NFIA: variants seen among roughly 807,000 people sequenced by gnomAD.
The protein encoded by NFIA is nuclear factor I A, also known as nuclear factor 1 A-type.
NFIA carries 8 observed loss-of-function variants against 62.8 expected under a neutral mutation model. That is an observed-to-expected ratio of 0.13 (90% CI 0.07 to 0.23). NFIA has a LOEUF of 0.23. Ranked by LOEUF, NFIA falls within the 10% of genes least tolerant of loss-of-function variation. NFIA has a pLI of 1.00. For synonymous variants in NFIA, 235 were observed against 238.1 expected (o/e 0.99, Z 0.12); for missense variants, 410 against 642.1 (o/e 0.64, Z 3.91).
intron 2 of NFIA, among the ~76,000 whole-genome samples, chr1:61,138,736 C>T (rs1390923880): frequency 6.6e-6 from 1 of 151,962 alleles, no homozygotes; most frequent in Non-Finnish European, 1.5e-5. Context: ...TGTGCTACTG[C>T]ACTCAGACTA....
chr1:61,419,078 G>A (rs1161506900), intron 9 of NFIA, among the ~76,000 whole-genome samples: 1 of 152,184 alleles, frequency 6.6e-6, no homozygotes, highest in Non-Finnish European at 1.5e-5. Flanking sequence ...AAATTTAAAT[G>A]AACTGAAACA....
intron 4 of NFIA, among the ~76,000 whole-genome samples, chr1:61,339,076 G>A (rs765498165): frequency 6.6e-6 from 1 of 152,146 alleles, no homozygotes; most frequent in African/African-American, 2.4e-5. Flanking sequence ...CAATTCAATG[G>A]CAGTCTACTC....
upstream of NFIA, chr1:61,081,921 A>G (rs1448610203): frequency 6.5e-7 from 1 of 1,549,460 alleles, no homozygotes; most frequent in East Asian, 2.4e-5. Context: ...AGGAGGTCTG[A>G]TTTTTCAAAG....
At chr1:61,379,415 T>C (rs1213887363) in intron 6 of NFIA, among the ~76,000 whole-genome samples, 1 of 145,224 alleles carries the variant, frequency 6.9e-6, no homozygotes, top group Non-Finnish European at 1.5e-5. Context: ...TTTTTTTTTT[T>C]TTTTTTTTTT....
intron 3 of NFIA, among the ~76,000 whole-genome samples, chr1:61,289,381 A>T (rs7516822): frequency 0.054 from 8,159 of 152,160 alleles, 735 homozygotes; most frequent in African/African-American, 0.19. Context: ...ATATAATCCT[A>T]TGGAGGTAGG....
At chr1:61,258,726 TG>T (rs987012575) in intron 2 of NFIA, among the ~76,000 whole-genome samples, 7 of 150,996 alleles carry the variant, frequency 4.6e-5, no homozygotes, top group South Asian at 2.1e-4. Context: ...ATAGGAAATG[TG>T]GTTTTTTTTT....
chr1:61,407,220 A>G (rs1244611022), intron 9 of NFIA, among the ~76,000 whole-genome samples: 1 of 152,168 alleles, frequency 6.6e-6, no homozygotes, highest in Non-Finnish European at 1.5e-5. Flanking sequence ...ATTCGCTGAG[A>G]GTAAGAGCCT....
At chr1:61,098,271 A>C (rs1570145684) in intron 2 of NFIA, among the ~76,000 whole-genome samples, 1 of 152,236 alleles carries the variant, frequency 6.6e-6, no homozygotes, top group African/African-American at 2.4e-5. Flanking sequence ...TCAACATTAG[A>C]TAATTGAGAA....
chr1:61,416,099 C>T (rs756010422), intron 9 of NFIA, among the ~76,000 whole-genome samples: 1 of 151,974 alleles, frequency 6.6e-6, no homozygotes, highest in East Asian at 1.9e-4. Flanking sequence ...GATGCATGTA[C>T]GTATCAGACT....
chr1:61,341,776 C>A (rs771119182), intron 4 of NFIA, among the ~76,000 whole-genome samples: 2 of 152,252 alleles, frequency 1.3e-5, no homozygotes, highest in Non-Finnish European at 2.9e-5. Flanking sequence ...GTGTGCCCAG[C>A]TAATAATGTG....
chr1:61,155,516 A>T (rs1039611668), intron 2 of NFIA, among the ~76,000 whole-genome samples: 15 of 150,880 alleles, frequency 9.9e-5, no homozygotes, highest in Non-Finnish European at 3.0e-5. Flanking sequence ...TACTAAAAAT[A>T]CAAAAAATTA....
intron 10 of NFIA, 51 bp from the exon 11 acceptor site, chr1:61,455,252 C>T (rs1334793687): frequency 1.2e-6 from 2 of 1,604,074 alleles, no homozygotes; most frequent in South Asian, 2.2e-5. Flanking sequence ...TTCTAAAACA[C>T]ACGTTTTTAC....
chr1:61,240,064 G>C (rs925927574), intron 2 of NFIA, among the ~76,000 whole-genome samples: 10 of 152,192 alleles, frequency 6.6e-5, no homozygotes, highest in Admixed American at 4.6e-4. Flanking sequence ...GACTTCAGAT[G>C]GATCCATTTC....
At chr1:61,317,053 T>A (rs372570567) in intron 3 of NFIA, among the ~76,000 whole-genome samples, 1 of 152,110 alleles carries the variant, frequency 6.6e-6, no homozygotes, top group African/African-American at 2.4e-5. Flanking sequence ...TTCAAAAAAA[T>A]ACTGAAAAAT....
intron 3 of NFIA, among the ~76,000 whole-genome samples, chr1:61,283,950 C>T (rs1658322401): frequency 6.6e-6 from 1 of 152,138 alleles, no homozygotes; most frequent in Non-Finnish European, 1.5e-5. Context: ...GGAGGCAATG[C>T]AACCTTACAG....
At chr1:61,168,640 T>G (rs1438794677) in intron 2 of NFIA, among the ~76,000 whole-genome samples, 1 of 152,212 alleles carries the variant, frequency 6.6e-6, no homozygotes, top group East Asian at 1.9e-4. Flanking sequence ...TGAAAAATTC[T>G]TGGATTATAT....
chr1:61,325,336 A>G (rs953268331), intron 3 of NFIA, among the ~76,000 whole-genome samples: 10 of 152,110 alleles, frequency 6.6e-5, no homozygotes, highest in Non-Finnish European at 1.5e-4. Flanking sequence ...CATTTTTAAG[A>G]TTTGGTTTGT....
intron 10 of NFIA, among the ~76,000 whole-genome samples, chr1:61,442,097 C>T (rs1667611576): frequency 6.6e-6 from 1 of 152,116 alleles, no homozygotes; most frequent in Non-Finnish European, 1.5e-5. Context: ...CCCTTCCTGG[C>T]TGCTTGCTTT....
chr1:61,104,311 C>T (rs559105239), intron 2 of NFIA, among the ~76,000 whole-genome samples: 6 of 151,956 alleles, frequency 3.9e-5, no homozygotes, highest in Non-Finnish European at 7.4e-5. Context: ...TATGTCTGTC[C>T]TCACTTATCA....
Sources: gnomAD v4.1 joint callset for allele counts (sites outside exome capture counted in the v4.1 genomes callset) on GRCh38, gnomAD v4.1.1 for gene constraint, MANE v1.5 for transcripts, NCBI Gene and HGNC (gene_info 2026-07-23, HGNC 2026-07-21) for gene names.